The following EHD4 variants were observed in gnomAD, a reference collection of about 807,000 sequenced individuals.
EHD4 encodes EH domain containing 4, also known as EH domain-containing protein 4.
A neutral mutation model predicts 51.0 loss-of-function variants in EHD4; 37 were observed. The observed-to-expected ratio is 0.73, with a 90% CI of 0.56 to 0.95. The LOEUF is 0.95. EHD4 is among the 40% of genes least tolerant of loss of function. The pLI is 0.00. For synonymous variants in EHD4, 297 were observed against 317.3 expected (o/e 0.94, Z 0.68); for missense variants, 632 against 733.1 (o/e 0.86, Z 1.59).
Position 41,901,051 on chromosome 15 carries a change from G to C in EHD4, c.1220C>G (p.Thr407Arg). 6.2e-7 allele frequency: 1 copy of C among 1,612,762 alleles called. No individual in the cohort carries two copies. Among genetic ancestry groups the C allele is most frequent in the Non-Finnish European group, 8.5e-7 (1 of 1,179,340 alleles). ...MNLISQEETS[T>R]PTQLVQGGAF... ...GCCGCCCTGCACCAGCTGCGTGGGC[G>C]TGCTCGTCTCCTCCTGGCTGATGAG... Residue 407 changes from threonine (T) to arginine (R), a missense_variant, in exon 6 of 6, where the codon ACG (threonine) becomes AGG (arginine). Transcript: ENST00000220325.
chr15:41,954,059 C>T, intron 1 of EHD4, 119 bp from the exon 2 acceptor site: 1 of 1,104,536 alleles, frequency 9.1e-7, no homozygotes, highest in East Asian at 2.5e-5. Context: ...AACATAACCC[C>T]CAAGAAAAGC....
At chr15:41,910,654 C>T (rs1425697043) in intron 4 of EHD4, among the ~76,000 whole-genome samples, 1 of 152,216 alleles carries the variant, frequency 6.6e-6, no homozygotes, top group Non-Finnish European at 1.5e-5. Flanking sequence ...ACTGCAACCT[C>T]CACCTCCTGG....
rs932217428 is a variant in EHD4 at position 41,953,765 on chromosome 15, G to A, written c.412C>T (p.Arg138Ter). ...AGATGGCAGCTTGCTGGTCCTTACC[G>A]ATTCAGGAAAGCGTTTCCAAAGCGA... ...LSRFGNAFLNRFMCSQLPNQV... is the reference protein window; with the variant it reads ...LSRFGNAFLN Residue 138 changes from arginine to a stop codon, truncating the protein, a stop_gained and splice_region_variant, in exon 2 of 6, where the codon CGA becomes TGA. Coordinates refer to ENST00000220325, the MANE Select transcript of EHD4 (RefSeq NM_139265.4). LOFTEE classifies it high-confidence loss of function. 46 of 1,603,182 alleles carry A rather than the reference G, an allele frequency of 2.9e-5. No homozygotes were observed. The highest frequency in any genetic ancestry group is 4.0e-5 in the African/African-American group (3 of 74,170).
intron 1 of EHD4, among the ~76,000 whole-genome samples, chr15:41,968,977 A>C (rs1276894742): frequency 1.2e-4 from 19 of 152,332 alleles, no homozygotes; most frequent in African/African-American, 4.1e-4. Flanking sequence ...TTGTCCTAGC[A>C]CCATTTGTTG....
rs143282850 is a variant in EHD4, at chr15:41,919,845, G to A, written c.512-223C>T. On this transcript the variant is annotated intron_variant, in intron 3 of 5. Coordinates refer to ENST00000220325, the MANE Select transcript of EHD4 (RefSeq NM_139265.4). ...CAGGAGGAGGGAGGAAAGAGAATGG[G>A]GCTCATGGTCACTTTGGGAATTGCT... 3.3e-4 allele frequency among the ~76,000 whole-genome samples: 50 copies of A among 152,272 alleles called. No individual in the cohort carries two copies. In the East Asian group the frequency reaches 9.6e-3, roughly 29 times the overall value.
intron 1 of EHD4, among the ~76,000 whole-genome samples, chr15:41,958,142 G>A (rs1029467229): frequency 2.6e-4 from 39 of 151,888 alleles, no homozygotes; most frequent in African/African-American, 8.7e-4. Flanking sequence ...GAAGACCACC[G>A]TGATTCAGAG....
intron 5 of EHD4, among the ~76,000 whole-genome samples, chr15:41,903,945 C>T (rs1181592386): frequency 2.0e-5 from 3 of 152,164 alleles, no homozygotes; most frequent in Non-Finnish European, 4.4e-5. Context: ...CTGACATCAG[C>T]ACCAAACAAT....
At chr15:41,909,333 G>C (rs941122697) in intron 5 of EHD4, among the ~76,000 whole-genome samples, 1 of 152,190 alleles carries the variant, frequency 6.6e-6, no homozygotes, top group Non-Finnish European at 1.5e-5. Context: ...GTCAGGGCAG[G>C]GCTGGAGGAG....
intron 5 of EHD4, among the ~76,000 whole-genome samples, chr15:41,904,964 ACT>A (rs2067503158): frequency 6.6e-6 from 1 of 152,192 alleles, no homozygotes; most frequent in Non-Finnish European, 1.5e-5. Flanking sequence ...GCTAAGAGTC[ACT>A]CTGACCAGCT....
chr15:41,910,488 G>A (rs763699465), intron 4 of EHD4, among the ~76,000 whole-genome samples: 5 of 152,168 alleles, frequency 3.3e-5, no homozygotes, highest in East Asian at 1.9e-4. Context: ...TTGGAGGGGC[G>A]AGAATCTGGC....
intron 3 of EHD4, among the ~76,000 whole-genome samples, chr15:41,920,414 A>G (rs1000474010): frequency 6.6e-5 from 10 of 152,224 alleles, no homozygotes; most frequent in Admixed American, 5.2e-4. Flanking sequence ...GATTCCCACG[A>G]AAAGCAAACA....
chr15:41,963,823 C>T (rs958623769), intron 1 of EHD4, among the ~76,000 whole-genome samples: 3 of 151,870 alleles, frequency 2.0e-5, no homozygotes, highest in Non-Finnish European at 4.4e-5. Flanking sequence ...ATATCTGTTA[C>T]TGAGAAAAAC....
Position 41,972,507 on chromosome 15 carries a change from C to T in EHD4, c.-13G>A, listed in dbSNP as rs772682943. The T allele has an allele frequency of 6.7e-7, 1 of 1,497,494 alleles. No individual in the cohort carries two copies. Among genetic ancestry groups the T allele is most frequent in the Admixed American group, 2.2e-5 (1 of 45,042 alleles). The allele number at this position is 1,497,494 out of a possible 1,614,324, so 92.8% of individuals were successfully genotyped here. A position where few individuals can be genotyped will look rare whatever the true frequency, so the allele number is the denominator to read the frequency against. On this transcript the variant is annotated 5_prime_UTR_variant, in exon 1 of 6. Transcript: ENST00000220325. ...TCCAGCTGAACATCCTGCCGCCAGT[C>T]CACGCTCGGATGGGACCCTGCTCCG...
intron 3 of EHD4, among the ~76,000 whole-genome samples, chr15:41,925,008 C>T (rs894313355): frequency 9.3e-5 from 14 of 150,748 alleles, no homozygotes; most frequent in Admixed American, 4.6e-4. Context: ...TGCAGTGAGC[C>T]GAGACTGTGC....
At chr15:41,942,805 G>A (rs1016520616) in intron 3 of EHD4, 39 of 368,632 alleles carry the variant, frequency 1.1e-4, no homozygotes, top group African/African-American at 7.4e-4. Flanking sequence ...CTCACACCTC[G>A]ATACCTCCCA....
intron 3 of EHD4, among the ~76,000 whole-genome samples, chr15:41,931,752 C>T (rs1186119177): frequency 2.0e-5 from 3 of 151,470 alleles, no homozygotes; most frequent in African/African-American, 7.3e-5. Context: ...TCTCAGCTCA[C>T]TGCAACCTCC....
intron 5 of EHD4, chr15:41,908,750 C>T (rs1403251183): frequency 1.3e-5 from 2 of 152,252 alleles, no homozygotes; most frequent in Non-Finnish European, 2.9e-5. Flanking sequence ...TCTTAGCACA[C>T]CTCGGGATGG....
intron 3 of EHD4, among the ~76,000 whole-genome samples, chr15:41,920,722 C>T (rs2053217255): frequency 6.6e-6 from 1 of 152,062 alleles, no homozygotes; most frequent in African/African-American, 2.4e-5. Context: ...AACAAAATAC[C>T]ATACGGTGGT....
intron 1 of EHD4, among the ~76,000 whole-genome samples, chr15:41,958,632 A>G (rs1478669879): frequency 6.6e-6 from 1 of 152,184 alleles, no homozygotes; most frequent in Non-Finnish European, 1.5e-5. Context: ...TCCAAGCACC[A>G]TCTTCTCAAC....
Sources: allele counts gnomAD v4.1 joint callset (sites outside exome capture counted in the v4.1 genomes callset), GRCh38; gene constraint gnomAD v4.1.1; transcripts MANE v1.5; gene names NCBI Gene and HGNC (gene_info 2026-07-23, HGNC 2026-07-21).